Variants in CSMD1 observed in about 807,000 individuals in gnomAD.
The protein encoded by CSMD1 is CUB and sushi domain-containing protein 1.
CSMD1 carries 213 observed loss-of-function variants against 417.5 expected under a neutral mutation model. That is an observed-to-expected ratio of 0.51 (90% confidence interval 0.46 to 0.57). CSMD1 has a LOEUF of 0.57. CSMD1 is among the 20% of genes least tolerant of loss of function. The pLI is 0.00. For missense variants in CSMD1, 6,923 were observed against 4,529.7 expected, an observed-to-expected ratio of 1.53 and a Z score of -15.17; for synonymous variants, 2,862 against 1,736.8, an observed-to-expected ratio of 1.65 and a Z score of -16.11.
At chr8:3,747,432 T>C (rs1262352153) in intron 6 of CSMD1, among the ~76,000 whole-genome samples, 1 of 152,044 alleles carries the variant, frequency 6.6e-6, no homozygotes, top group Non-Finnish European at 1.5e-5. Flanking sequence ...TTTTTACTAA[T>C]GGTCATCCAT....
chr8:3,578,336 T>C (rs1336366593), intron 9 of CSMD1, among the ~76,000 whole-genome samples: 2 of 152,106 alleles, frequency 1.3e-5, no homozygotes, highest in African/African-American at 4.8e-5. Flanking sequence ...GGAGCTTTGG[T>C]GATGATCTGT....
At chr8:3,367,745 A>T (rs1809691422) in intron 19 of CSMD1, among the ~76,000 whole-genome samples, 5 of 152,326 alleles carry the variant, frequency 3.3e-5, no homozygotes, top group Admixed American at 3.3e-4. Flanking sequence ...AAATATGGAG[A>T]TTATAGATGT....
At chr8:4,738,421 C>A (rs975400586) in intron 1 of CSMD1, among the ~76,000 whole-genome samples, 3 of 151,986 alleles carry the variant, frequency 2.0e-5, no homozygotes, top group African/African-American at 7.3e-5. Context: ...AAGGGCTGAG[C>A]GAAGGGGGAA....
chr8:3,950,939 A>G (rs776857048), intron 5 of CSMD1, among the ~76,000 whole-genome samples: 10 of 152,232 alleles, frequency 6.6e-5, no homozygotes, highest in Non-Finnish European at 1.5e-4. Context: ...AGCCCTGAAC[A>G]GACAAGAAGA....
intron 2 of CSMD1, among the ~76,000 whole-genome samples, chr8:4,420,593 C>G (rs116398091): frequency 6.6e-6 from 1 of 152,014 alleles, no homozygotes; most frequent in Non-Finnish European, 1.5e-5. Flanking sequence ...AACATTTGTG[C>G]ACTCAAACAT....
At chr8:4,970,012 G>A (rs1810137614) in intron 1 of CSMD1, among the ~76,000 whole-genome samples, 1 of 151,930 alleles carries the variant, frequency 6.6e-6, no homozygotes, top group South Asian at 2.1e-4. Context: ...AATTATTTCT[G>A]CAATACCTAA....
chr8:3,302,491 G>A (rs1353596443), intron 25 of CSMD1, among the ~76,000 whole-genome samples: 1 of 152,148 alleles, frequency 6.6e-6, no homozygotes. Context: ...CACTTCCCAT[G>A]ATATCACTTC....
chr8:4,765,342 A>C (rs926467629), intron 1 of CSMD1, among the ~76,000 whole-genome samples: 2 of 152,300 alleles, frequency 1.3e-5, no homozygotes, highest in East Asian at 3.9e-4. Flanking sequence ...TTTTCACTTC[A>C]TTGTTCTCCA....
At position 4,266,296 on chromosome 8, in the gene CSMD1, G is replaced by T. The variant is rs552331978; in HGVS notation, c.415+153657C>A. ...AATTTTATAAATTTTTGTTTTCTAT[G>T]TAAGAGAAACTGTCCAGGTCTTAGA... On this transcript the variant is annotated intron_variant, in intron 3 of 69. Transcript: ENST00000635120. Among the ~76,000 whole-genome samples the T allele has an allele frequency of 2.4e-4, 25 of 104,850 alleles. 1 individual carries two copies. The highest frequency in any genetic ancestry group is 6.5e-4 in the African/African-American group (25 of 38,460). The allele number at this position is 104,850 out of a possible 152,430, so 68.8% of individuals were successfully genotyped here.
intron 12 of CSMD1, among the ~76,000 whole-genome samples, chr8:3,454,640 C>G (rs1213919591): frequency 2.0e-5 from 3 of 152,130 alleles, no homozygotes; most frequent in Non-Finnish European, 4.4e-5. Flanking sequence ...GAATATTGGC[C>G]CCCACTCTCT....
intron 1 of CSMD1, among the ~76,000 whole-genome samples, chr8:4,801,364 C>T (rs1365820203): frequency 3.3e-5 from 5 of 152,030 alleles, no homozygotes; most frequent in Admixed American, 6.6e-5. Context: ...CTGCCAGAAC[C>T]CAGTACTGAG....
intron 1 of CSMD1, among the ~76,000 whole-genome samples, chr8:4,764,108 A>C (rs1290491776): frequency 1.3e-5 from 2 of 152,202 alleles, no homozygotes; most frequent in Non-Finnish European, 2.9e-5. Context: ...CCAGAGAGGT[A>C]ATCTACTTTA....
chr8:3,438,690 T>C (rs1275864634), intron 12 of CSMD1, among the ~76,000 whole-genome samples: 1 of 152,200 alleles, frequency 6.6e-6, no homozygotes, highest in Non-Finnish European at 1.5e-5. Flanking sequence ...CTATTATGAC[T>C]AAAGCTGCTA....
At chr8:4,894,520 T>C (rs1271977256) in intron 1 of CSMD1, among the ~76,000 whole-genome samples, 1 of 147,600 alleles carries the variant, frequency 6.8e-6, no homozygotes, top group East Asian at 2.0e-4. Flanking sequence ...ACCATCGCAT[T>C]CCAGCCTGGG....
chr8:4,389,371 G>C (rs1584999790), intron 3 of CSMD1, among the ~76,000 whole-genome samples: 1 of 152,192 alleles, frequency 6.6e-6, no homozygotes, highest in African/African-American at 2.4e-5. Context: ...GGAGTACTTG[G>C]AAATTACTAT....
At chr8:3,179,248 A>C (rs1371830530) in intron 37 of CSMD1, among the ~76,000 whole-genome samples, 1 of 152,154 alleles carries the variant, frequency 6.6e-6, no homozygotes, top group African/African-American at 2.4e-5. Flanking sequence ...CCCAGCCTAT[A>C]ATCTATATTT....
rs112026432 is a variant in CSMD1, at chr8:4,331,799, C to T, written c.415+88154G>A. Among the ~76,000 whole-genome samples, 652 of 152,298 alleles carry T rather than the reference C, an allele frequency of 4.3e-3. 4 individuals carry two copies. The highest frequency in any genetic ancestry group is 7.3e-3 in the Non-Finnish European group (495 of 68,032). On this transcript the variant is annotated intron_variant, in intron 3 of 69. Coordinates refer to ENST00000635120, the MANE Select transcript of CSMD1 (RefSeq NM_033225.6). ...AGGAGAGGTTTTTGTATTTGACTCA[C>T]AGTATTTTTCCTCCAAGCAAATAAT...
At chr8:4,076,268 A>G (rs904067309) in intron 3 of CSMD1, among the ~76,000 whole-genome samples, 1 of 152,190 alleles carries the variant, frequency 6.6e-6, no homozygotes, top group African/African-American at 2.4e-5. Flanking sequence ...TATGTGAAGA[A>G]GAATATGTTT....
intron 1 of CSMD1, chr8:4,788,614 G>C: frequency 1.1e-6 from 1 of 931,486 alleles, no homozygotes; most frequent in South Asian, 2.1e-5. Flanking sequence ...AATTTTTAGG[G>C]GAAAAACTAC....
Sources: gnomAD v4.1 joint callset for allele counts (sites outside exome capture counted in the v4.1 genomes callset) on GRCh38, gnomAD v4.1.1 for gene constraint, MANE v1.5 for transcripts, NCBI Gene and HGNC (gene_info 2026-07-23, HGNC 2026-07-21) for gene names.